Variants in STK38L observed in about 807,000 individuals in gnomAD.
The protein encoded by STK38L is serine/threonine kinase 38 like.
In STK38L, 28 loss-of-function variants were observed where a neutral mutation model predicts 59.7. That is an observed-to-expected ratio of 0.47 (90% CI 0.35 to 0.64). The LOEUF (loss-of-function observed/expected upper bound fraction) is 0.64, where lower values mean the gene tolerates loss of function less well. Among genes scored for constraint, STK38L ranks in the 30% least tolerant of loss-of-function variants. STK38L has a pLI of 0.01. For missense variants in STK38L, 314 were observed against 555.8 expected (o/e 0.56, Z 4.37); for synonymous variants, 162 against 176.8 (o/e 0.92, Z 0.66).
chr12:27,303,055 G>C (rs1029377854), intron 3 of STK38L, among the ~76,000 whole-genome samples: 8 of 149,926 alleles, frequency 5.3e-5, no homozygotes, highest in Admixed American at 2.7e-4. Context: ...TTCACTACTT[G>C]GCCTCTGCTT....
At chr12:27,318,123 T>A (rs1349745833) in intron 11 of STK38L, 104 bp downstream of exon 11, 1 of 1,358,324 alleles carries the variant, frequency 7.4e-7, no homozygotes. Flanking sequence ...ACCACTGATG[T>A]ATACAGTCAA....
rs373198367 is a variant in STK38L at position 27,319,384 on chromosome 12, G to C, written c.1136G>C (p.Gly379Ala). 6 of 1,613,296 alleles carry C rather than the reference G, an allele frequency of 3.7e-6. No homozygotes were observed. In the African/African-American group the frequency reaches 4.0e-5, roughly 11 times the overall value. ...IGNSGVEEIK[G>A]HPFFEGVDWE... ...AATAGTGGAGTAGAAGAAATAAAAG[G>C]TCATCCCTTTTTTGAAGGTGTCGAC... The change falls in exon 12 of 14, where the codon GGT becomes GCT. Residue 379 changes from glycine (G) to alanine (A), a missense_variant. Physicochemically the swap from Gly to Ala is moderately conservative, Grantham distance 60. This residue lies in a region of STK38L where 94 missense variants were observed against 142.2 expected (regional missense o/e 0.66). Transcript: ENST00000389032.
intron 1 of STK38L, among the ~76,000 whole-genome samples, chr12:27,257,401 C>G (rs1380261062): frequency 1.3e-5 from 2 of 152,234 alleles, no homozygotes; most frequent in East Asian, 3.8e-4. Context: ...TAAACTCCTG[C>G]TCTGCCCCCA....
chr12:27,279,835 A>C (rs947306239), intron 1 of STK38L, among the ~76,000 whole-genome samples: 3 of 152,124 alleles, frequency 2.0e-5, no homozygotes, highest in Non-Finnish European at 4.4e-5. Context: ...TTCTAGAACA[A>C]CATACTCTAA....
At chr12:27,301,502 C>T (rs1046180079) in intron 2 of STK38L, among the ~76,000 whole-genome samples, 25 of 152,252 alleles carry the variant, frequency 1.6e-4, no homozygotes, top group Admixed American at 1.6e-3. Flanking sequence ...CCTCGTGATC[C>T]GCCCACCTCG....
chr12:27,304,992 C>T (rs1019446487), intron 3 of STK38L, among the ~76,000 whole-genome samples: 14 of 152,108 alleles, frequency 9.2e-5, no homozygotes, highest in African/African-American at 3.4e-4. Flanking sequence ...TTGGCAAAGA[C>T]ATGCCACTTT....
intron 1 of STK38L, among the ~76,000 whole-genome samples, chr12:27,270,711 G>A (rs1019760519): frequency 5.3e-5 from 8 of 151,610 alleles, no homozygotes; most frequent in Non-Finnish European, 1.2e-4. Context: ...ACAGGGCCTC[G>A]CTTTGTTGCC....
Position 27,322,346 on chromosome 12 carries a change from C to T in STK38L, c.1286C>T (p.Pro429Leu), listed in dbSNP as rs1309886488. ...TTTCTAGTGCCAAATACCACAGAAC[C>T]GGACTACAAATCCAAAGACTGGGTT... ...ILQPVPNTTE[P>L]DYKSKDWVFL... The change falls in exon 14 of 14, where the codon CCG becomes CTG. Residue 429 changes from proline to leucine, a missense_variant. Pro to Leu is a moderately conservative substitution (Grantham distance 98). Coordinates refer to ENST00000389032, the MANE Select transcript of STK38L (RefSeq NM_015000.4). 22 of 1,613,792 alleles carry T rather than the reference C, an allele frequency of 1.4e-5. No individual in the cohort carries two copies. Among genetic ancestry groups the T allele is most frequent in the Middle Eastern group, 1.6e-4 (1 of 6,084 alleles).
At chr12:27,268,321 A>T (rs1346467331) in intron 1 of STK38L, among the ~76,000 whole-genome samples, 2 of 145,430 alleles carry the variant, frequency 1.4e-5, no homozygotes, top group Non-Finnish European at 3.0e-5. Context: ...TCCTGTGTCC[A>T]TGTGTTCTCA....
intron 1 of STK38L, among the ~76,000 whole-genome samples, chr12:27,274,964 C>T (rs973589410): frequency 7.2e-5 from 11 of 152,096 alleles, no homozygotes; most frequent in African/African-American, 2.7e-4. Context: ...TCCATTCCTC[C>T]CCTCTTCCTT....
At chr12:27,274,872 G>T (rs1236582507) in intron 1 of STK38L, among the ~76,000 whole-genome samples, 2 of 152,072 alleles carry the variant, frequency 1.3e-5, no homozygotes, top group African/African-American at 4.8e-5. Flanking sequence ...CAGTATCTCA[G>T]TAATCTCCGC....
chr12:27,306,274 T>C (rs1451656378), intron 3 of STK38L, among the ~76,000 whole-genome samples: 3 of 152,170 alleles, frequency 2.0e-5, no homozygotes, highest in Admixed American at 2.0e-4. Context: ...TTTCTGCAAC[T>C]ATATCCAACT....
At chr12:27,301,390 C>T (rs1315791162) in intron 2 of STK38L, among the ~76,000 whole-genome samples, 1 of 152,194 alleles carries the variant, frequency 6.6e-6, no homozygotes, top group East Asian at 1.9e-4. Flanking sequence ...TCCCAAGTAA[C>T]TGGGACTACA....
chr12:27,277,613 ATATCT>A (rs916882198), intron 1 of STK38L, among the ~76,000 whole-genome samples: 76 of 152,268 alleles, frequency 5.0e-4, no homozygotes, highest in African/African-American at 1.8e-3. Flanking sequence ...AATCATGGAG[ATATCT>A]TATCTCATAA....
intron 1 of STK38L, among the ~76,000 whole-genome samples, chr12:27,290,859 G>A (rs757994413): frequency 2.0e-5 from 3 of 152,156 alleles, no homozygotes; most frequent in Admixed American, 1.3e-4. Context: ...GGATTTTCAT[G>A]TGAAACCTTC....
intron 1 of STK38L, among the ~76,000 whole-genome samples, chr12:27,272,630 C>T (rs541898094): frequency 1.3e-5 from 2 of 152,266 alleles, no homozygotes; most frequent in Admixed American, 6.5e-5. Context: ...GTGCAACTTC[C>T]GTGTATTCAA....
At chr12:27,284,372 A>C (rs1184209842) in intron 1 of STK38L, among the ~76,000 whole-genome samples, 1 of 152,236 alleles carries the variant, frequency 6.6e-6, no homozygotes, top group East Asian at 1.9e-4. Context: ...CCTCACTTCC[A>C]TAAAATGAGG....
At chr12:27,288,522 A>T (rs1211731747) in intron 1 of STK38L, among the ~76,000 whole-genome samples, 1 of 152,104 alleles carries the variant, frequency 6.6e-6, no homozygotes. Context: ...CAAACCCACA[A>T]TTCAGAGCCA....
intron 1 of STK38L, among the ~76,000 whole-genome samples, chr12:27,289,979 A>G (rs770773371): frequency 5.9e-5 from 9 of 152,316 alleles, no homozygotes; most frequent in Non-Finnish European, 1.3e-4. Flanking sequence ...TTAAATTTAC[A>G]AACTAACTGA....
Sources: allele counts gnomAD v4.1 joint callset (sites outside exome capture counted in the v4.1 genomes callset), GRCh38; gene constraint gnomAD v4.1.1; regional missense constraint gnomAD v4.1.1; transcripts MANE v1.5; gene names NCBI Gene and HGNC (gene_info 2026-07-23, HGNC 2026-07-21).